Variants in RIPOR3 observed in about 807,000 individuals in gnomAD.
RIPOR3 encodes the protein RIPOR family member 3.
In RIPOR3, 95 loss-of-function variants were observed where a neutral mutation model predicts 114.3. The ratio of observed to expected loss-of-function variants is 0.83; its 90% CI spans 0.70 to 0.99. RIPOR3 has a LOEUF of 0.99. Ranked by LOEUF, RIPOR3 falls within the 50% of genes least tolerant of loss-of-function variation. The probability of loss-of-function intolerance (pLI) is 0.00; values close to 1 mark genes in which losing one functional copy is unlikely to be tolerated. For synonymous variants in RIPOR3, 575 were observed against 543.8 expected (o/e 1.06, Z -0.80); for missense variants, 1,252 against 1,266.9 (o/e 0.99, Z 0.18).
intron 1 of RIPOR3, among the ~76,000 whole-genome samples, chr20:50,661,432 C>G (rs2085993285): frequency 6.6e-6 from 1 of 152,046 alleles, no homozygotes; most frequent in African/African-American, 2.4e-5. Context: ...GTGACACATC[C>G]TTTTTTAACC....
intron 1 of RIPOR3, among the ~76,000 whole-genome samples, chr20:50,638,557 T>C (rs1313411694): frequency 6.6e-6 from 1 of 152,080 alleles, no homozygotes; most frequent in Non-Finnish European, 1.5e-5. Flanking sequence ...GGGGTCACCT[T>C]GAAGACAAAG....
At chr20:50,682,026 A>T (rs1326296145) in intron 1 of RIPOR3, among the ~76,000 whole-genome samples, 1 of 152,174 alleles carries the variant, frequency 6.6e-6, no homozygotes, top group Non-Finnish European at 1.5e-5. Context: ...GAATTGGTAC[A>T]ACCATTAGAA....
At chr20:50,654,431 T>G (rs908005984) in intron 1 of RIPOR3, among the ~76,000 whole-genome samples, 3 of 132,470 alleles carry the variant, frequency 2.3e-5, no homozygotes, top group African/African-American at 5.7e-5. Context: ...AGTTTTTTTT[T>G]TTTTTTTTTT....
At chr20:50,659,279 T>A (rs536082573) in intron 1 of RIPOR3, among the ~76,000 whole-genome samples, 1 of 152,258 alleles carries the variant, frequency 6.6e-6, no homozygotes, top group Admixed American at 6.5e-5. Flanking sequence ...TTAAAACCAT[T>A]TCCTGAACCG....
chr20:50,595,393 C>A lies in RIPOR3; in HGVS notation c.2026G>T (p.Gly676Cys). ...TLSVLDFEKV[G>C]KATSIEEIIP... ...CTCTCTTCAATGGATGTTGCCTTGC[C>A]GACCTTCTCAAAGTCAAGGACAGAA... Residue 676 changes from glycine to cysteine, a missense_variant, in exon 16 of 22, where the codon GGC becomes TGC. Physicochemically the swap from Gly to Cys is radical, Grantham distance 159. Transcript: ENST00000327979. 1 of 1,614,098 alleles carries A rather than the reference C, an allele frequency of 6.2e-7. No individual in the cohort carries two copies. Among genetic ancestry groups the A allele is most frequent in the Non-Finnish European group, 8.5e-7 (1 of 1,179,980 alleles).
chr20:50,610,037 ACCCCTGCCTCCCCTGCCT>A (rs1231716492), intron 6 of RIPOR3, among the ~76,000 whole-genome samples: 17 of 35,258 alleles, frequency 4.8e-4, no homozygotes, highest in Admixed American at 2.0e-3. Flanking sequence ...CTCACCTGCC[ACCCCTGCCTCCCCTGCCT>A]CCCCTGCCAC....
At chr20:50,621,545 C>T (rs1420245927) in intron 2 of RIPOR3, among the ~76,000 whole-genome samples, 1 of 152,202 alleles carries the variant, frequency 6.6e-6, no homozygotes, top group African/African-American at 2.4e-5. Flanking sequence ...GGGATCAAGC[C>T]TGGCCAGTAG....
Position 50,671,835 on chromosome 20 carries a change from G to C in RIPOR3, c.3+19291C>G, listed in dbSNP as rs2086511346. On this transcript the variant is annotated intron_variant, in intron 1 of 21. Coordinates refer to ENST00000327979, the MANE Select transcript of RIPOR3 (RefSeq NM_001290268.2). ...AGATGGATGGATGGATGGATGAGTG[G>C]GTAGATGGGTGGATGAGTGAGTGGG... Among the ~76,000 whole-genome samples the C allele has an allele frequency of 2.0e-5, 3 of 152,066 alleles. No homozygotes were observed. In the South Asian group the frequency reaches 6.2e-4, roughly 32 times the overall value.
In RIPOR3 at chr20:50,665,421, C is replaced by CT. The variant is rs11471486; in HGVS notation, c.3+25704dup. On this transcript the variant is annotated intron_variant, in intron 1 of 21. Transcript: ENST00000327979. Reference sequence around the variant, plus strand: ...TACCTTGGCTCAGAGCCCCCTCTTCCTTTTTTTTTTTTTTTTTGAGATGGA... The same window carrying CT: ...TACCTTGGCTCAGAGCCCCCTCTTCCTTTTTTTTTTTTTTTTTTGAGATGGA... 8.5e-4 allele frequency among the ~76,000 whole-genome samples: 92 copies of CT among 107,846 alleles called. 4 individuals are homozygous for CT. Among genetic ancestry groups the CT allele is most frequent in the African/African-American group, 2.5e-3 (73 of 29,190 alleles). 70.8% of individuals were successfully genotyped at this position (107,846 alleles called of 152,430 possible).
rs756095603 is a variant in RIPOR3 at position 50,595,355 on chromosome 20, AG to A, written c.2050+13del. 1.2e-6 allele frequency: 2 copies of A among 1,609,128 alleles called. No homozygotes were observed. The highest frequency in any genetic ancestry group is 2.2e-5 in the South Asian group (2 of 90,982). Reference sequence around the variant, plus strand: ...CTCACATAGGCAGCCCCTGGGTGGCAGGCAGCTACTTACTCTCTTCAATGGA... The same window carrying A: ...CTCACATAGGCAGCCCCTGGGTGGCAGCAGCTACTTACTCTCTTCAATGGA... On this transcript the variant is annotated intron_variant, in intron 16 of 21. Transcript: ENST00000327979.
At chr20:50,625,713 G>A (rs2084594343) in intron 2 of RIPOR3, among the ~76,000 whole-genome samples, 1 of 152,170 alleles carries the variant, frequency 6.6e-6, no homozygotes, top group Non-Finnish European at 1.5e-5. Flanking sequence ...AGGAGGGGCA[G>A]GAAAGGGGGA....
At chr20:50,636,866 G>A (rs578095260) in intron 1 of RIPOR3, 1 of 985,426 alleles carries the variant, frequency 1.0e-6, no homozygotes, top group East Asian at 1.1e-4. Flanking sequence ...CTCATTTAGA[G>A]GTAAAACATC....
chr20:50,625,577 T>G (rs1205495229), intron 2 of RIPOR3, among the ~76,000 whole-genome samples: 1 of 152,208 alleles, frequency 6.6e-6, no homozygotes, highest in African/African-American at 2.4e-5. Context: ...ATGGCTGCTA[T>G]TTCGTTTTCA....
At chr20:50,630,025 T>C (rs1245106118) in intron 2 of RIPOR3, among the ~76,000 whole-genome samples, 2 of 152,066 alleles carry the variant, frequency 1.3e-5, no homozygotes, top group African/African-American at 4.8e-5. Context: ...TGGAGTGCAG[T>C]GGTGTGATCT....
chr20:50,649,304 G>A (rs1010043269), intron 1 of RIPOR3, among the ~76,000 whole-genome samples: 2 of 152,156 alleles, frequency 1.3e-5, no homozygotes, highest in Non-Finnish European at 2.9e-5. Context: ...CATTAGCCAG[G>A]GGTGGTGGTG....
intron 1 of RIPOR3, among the ~76,000 whole-genome samples, chr20:50,641,549 A>G (rs2085194752): frequency 6.6e-6 from 1 of 152,028 alleles, no homozygotes; most frequent in Admixed American, 6.5e-5. Context: ...ACCTGGTCCT[A>G]TTTCTTATTG....
chr20:50,671,417 C>A (rs2086482429), intron 1 of RIPOR3, among the ~76,000 whole-genome samples: 1 of 21,984 alleles, frequency 4.5e-5, no homozygotes, highest in Non-Finnish European at 1.4e-4. Context: ...CGCGCGCGTG[C>A]ACGCGCGCGC....
intron 20 of RIPOR3, 138 bp downstream of exon 20, chr20:50,589,548 G>A: frequency 1.2e-6 from 1 of 815,156 alleles, no homozygotes. Context: ...TGCCTGCCTT[G>A]GCCTCCCAAA....
At chr20:50,677,371 T>G (rs1259157942) in intron 1 of RIPOR3, among the ~76,000 whole-genome samples, 2 of 141,232 alleles carry the variant, frequency 1.4e-5, no homozygotes, top group African/African-American at 5.2e-5. Context: ...GTTTTACTTT[T>G]TTTTTTTTTT....
Sources: gnomAD v4.1 joint callset for allele counts (sites outside exome capture counted in the v4.1 genomes callset) on GRCh38, gnomAD v4.1.1 for gene constraint, MANE v1.5 for transcripts, NCBI Gene and HGNC (gene_info 2026-07-23, HGNC 2026-07-21) for gene names.